SLC24A3: variants seen among roughly 807,000 people sequenced by gnomAD.
The protein encoded by SLC24A3 is solute carrier family 24 member 3, also known as sodium/potassium/calcium exchanger 3.
A neutral mutation model predicts 75.8 loss-of-function variants in SLC24A3; 28 were observed. That is an observed-to-expected ratio of 0.37 (90% CI 0.27 to 0.51). The LOEUF (loss-of-function observed/expected upper bound fraction) is 0.51, where lower values mean the gene tolerates loss of function less well. SLC24A3 is among the 20% of genes least tolerant of loss of function. SLC24A3 has a pLI of 0.94. For missense variants in SLC24A3, 663 were observed against 847.8 expected, an observed-to-expected ratio of 0.78 and a Z score of 2.71; for synonymous variants, 372 against 334.1, an observed-to-expected ratio of 1.11 and a Z score of -1.24.
chr20:19,500,639 T>C (rs947242269), intron 2 of SLC24A3, among the ~76,000 whole-genome samples: 2 of 152,202 alleles, frequency 1.3e-5, no homozygotes, highest in East Asian at 3.8e-4. Flanking sequence ...TTATATAATA[T>C]ATGAGAAAAC....
intron 2 of SLC24A3, among the ~76,000 whole-genome samples, chr20:19,374,971 CTG>C (rs1475401412): frequency 1.3e-5 from 2 of 152,134 alleles, no homozygotes; most frequent in Non-Finnish European, 2.9e-5. Flanking sequence ...AACACTGAGT[CTG>C]TGTTTTTATT....
chr20:19,679,088 T>C (rs2032575126), intron 9 of SLC24A3, among the ~76,000 whole-genome samples: 1 of 151,938 alleles, frequency 6.6e-6, no homozygotes, highest in South Asian at 2.1e-4. Flanking sequence ...GCTCCTCACT[T>C]CCTAGACAGG....
intron 2 of SLC24A3, among the ~76,000 whole-genome samples, chr20:19,451,765 G>A (rs1987484893): frequency 6.6e-6 from 1 of 152,152 alleles, no homozygotes. Context: ...TGTTCCTCTT[G>A]CCTCTTCTCT....
At chr20:19,605,136 G>A (rs1012164562) in intron 6 of SLC24A3, among the ~76,000 whole-genome samples, 27 of 152,178 alleles carry the variant, frequency 1.8e-4, no homozygotes, top group Admixed American at 1.3e-4. Flanking sequence ...ATCCTGGAAT[G>A]GTCCTAGATT....
intron 12 of SLC24A3, among the ~76,000 whole-genome samples, chr20:19,686,881 T>A (rs1209064792): frequency 6.6e-6 from 1 of 152,180 alleles, no homozygotes; most frequent in East Asian, 1.9e-4. Flanking sequence ...ATAGAAAAAA[T>A]GTACACTCGT....
chr20:19,416,020 G>A (rs1177033837), intron 2 of SLC24A3, among the ~76,000 whole-genome samples: 1 of 152,154 alleles, frequency 6.6e-6, no homozygotes, highest in Non-Finnish European at 1.5e-5. Flanking sequence ...AGCTCTGTAA[G>A]TTTGGCAGTG....
At chr20:19,458,278 C>T (rs1372373589) in intron 2 of SLC24A3, among the ~76,000 whole-genome samples, 2 of 152,162 alleles carry the variant, frequency 1.3e-5, no homozygotes, top group Admixed American at 1.3e-4. Context: ...GCAGGCTTTG[C>T]ACCCAAGCCC....
Position 19,584,979 on chromosome 20 carries a change from C to T in SLC24A3, c.432C>T (p.His144=), listed in dbSNP as rs2031275554. The change falls in exon 5 of 17, where the codon CAC becomes CAT. Residue 144 remains histidine, a synonymous_variant. Coordinates refer to ENST00000328041, the MANE Select transcript of SLC24A3 (RefSeq NM_020689.4). ...PSLEKICERL[H]LSEDVAGATF... is the part of the protein sequence containing the mutation. ...TCTTTGCTCCTCTGTAGCGCCTGCA[C>T]CTCAGTGAAGATGTGGCTGGGGCCA... 1 of 1,613,564 alleles carries T rather than the reference C, an allele frequency of 6.2e-7. No homozygotes were observed. Among genetic ancestry groups the T allele is most frequent in the African/African-American group, 1.3e-5 (1 of 74,912 alleles).
intron 1 of SLC24A3, among the ~76,000 whole-genome samples, chr20:19,261,280 A>G (rs930711882): frequency 2.0e-5 from 3 of 152,152 alleles, no homozygotes; most frequent in Non-Finnish European, 2.9e-5. Context: ...GTAATGGACA[A>G]TGGACCCCCA....
At chr20:19,448,331 A>T (rs931255467) in intron 2 of SLC24A3, among the ~76,000 whole-genome samples, 2 of 152,248 alleles carry the variant, frequency 1.3e-5, no homozygotes, top group Admixed American at 6.5e-5. Context: ...GTTACTTTGC[A>T]TACTCTGTCT....
rs76270899 is a variant in SLC24A3, at chr20:19,685,178, G to T, written c.1141G>T (p.Val381Leu). Residue 381 changes from valine to leucine, a missense_variant, in exon 12 of 17, where the codon GTG becomes TTG. By Grantham distance (32) the Val-to-Leu change is conservative (BLOSUM62 1). Transcript: ENST00000328041. ...VAIKIPIKHT[V>L]ENGTGPSSAP... The stretch of plus-strand genomic sequence containing the variant: ...CATCAAAATCCCAATTAAGCACACC[G>T]TGGAGAATGGGACAGGGCCCAGCAG... 6.2e-7 allele frequency: 1 copy of T among 1,614,068 alleles called. No homozygotes were observed. The highest frequency in any genetic ancestry group is 1.3e-5 in the African/African-American group (1 of 74,926).
chr20:19,302,979 G>A (rs1457912171), intron 2 of SLC24A3, among the ~76,000 whole-genome samples: 4 of 151,354 alleles, frequency 2.6e-5, no homozygotes, highest in African/African-American at 4.8e-5. Context: ...GTTGTGGAAC[G>A]TGATAATGAA....
intron 3 of SLC24A3, among the ~76,000 whole-genome samples, chr20:19,528,785 A>G (rs879324721): frequency 6.6e-6 from 1 of 152,174 alleles, no homozygotes; most frequent in Admixed American, 6.5e-5. Context: ...GGACCACAGG[A>G]ATTAGGCAGA....
At chr20:19,331,502 A>G (rs756822213) in intron 2 of SLC24A3, among the ~76,000 whole-genome samples, 2 of 152,258 alleles carry the variant, frequency 1.3e-5, no homozygotes, top group Non-Finnish European at 2.9e-5. Context: ...ATAGATAAAC[A>G]GAATGCTAAC....
At chr20:19,704,990 A>G (rs1215451677) in intron 15 of SLC24A3, among the ~76,000 whole-genome samples, 1 of 152,236 alleles carries the variant, frequency 6.6e-6, no homozygotes, top group East Asian at 1.9e-4. Context: ...CAAAGCACTG[A>G]CAACTATTGC....
At chr20:19,430,625 C>T (rs1432859348) in intron 2 of SLC24A3, among the ~76,000 whole-genome samples, 1 of 152,146 alleles carries the variant, frequency 6.6e-6, no homozygotes, top group Non-Finnish European at 1.5e-5. Context: ...ACTAGCAGCC[C>T]TTCTCCCTTG....
In SLC24A3 at chr20:19,249,298, C is replaced by T. The variant is rs369309385; in HGVS notation, c.143-31661C>T. ...TCTTTCCTAAGCCCTGGCAAGCTTC[C>T]GTACTCCTAAGTTTGGCTCAGCTTC... On this transcript the variant is annotated intron_variant, in intron 1 of 16. Coordinates refer to ENST00000328041, the MANE Select transcript of SLC24A3 (RefSeq NM_020689.4). Among the ~76,000 whole-genome samples, 316 of 152,308 alleles carry T rather than the reference C, an allele frequency of 2.1e-3. 9 individuals are homozygous for T. In the South Asian group the frequency reaches 0.058, roughly 28 times the overall value.
chr20:19,602,345 C>T (rs2031537862), intron 6 of SLC24A3, among the ~76,000 whole-genome samples: 1 of 152,096 alleles, frequency 6.6e-6, no homozygotes, highest in African/African-American at 2.4e-5. Context: ...AGAGATGTAG[C>T]TCATCAGTGT....
In SLC24A3 at chr20:19,373,059, C is replaced by A. The variant is rs56044447; in HGVS notation, c.271+91972C>A. Among the ~76,000 whole-genome samples the A allele has an allele frequency of 2.7e-3, 383 of 139,874 alleles. 13 individuals are homozygous for A. In the East Asian group the frequency reaches 0.055, roughly 20 times the overall value. 91.8% of individuals were successfully genotyped at this position (139,874 alleles called of 152,430 possible). On this transcript the variant is annotated intron_variant, in intron 2 of 16. Coordinates refer to ENST00000328041, the MANE Select transcript of SLC24A3 (RefSeq NM_020689.4). ...GAAAGAAAGAAATTCTTTAGTTTTG[C>A]GATTTTTTTTTTTGGCCCATTTTTA... is the stretch of plus-strand genomic sequence containing the variant.
Sources: gnomAD v4.1 joint callset for allele counts (sites outside exome capture counted in the v4.1 genomes callset) on GRCh38, gnomAD v4.1.1 for gene constraint, MANE v1.5 for transcripts, NCBI Gene and HGNC (gene_info 2026-07-23, HGNC 2026-07-21) for gene names.